The following AGMO variants were observed in gnomAD, a reference collection of about 807,000 sequenced individuals.
AGMO encodes the protein alkylglycerol monooxygenase.
A neutral mutation model predicts 60.2 loss-of-function variants in AGMO; 75 were observed. The ratio of observed to expected loss-of-function variants is 1.25; its 90% confidence interval spans 1.03 to 1.51. The LOEUF is 1.51. Among genes scored for constraint, AGMO ranks in the 40% most tolerant of loss-of-function variants. The probability of loss-of-function intolerance (pLI) is 0.00; values close to 1 mark genes in which losing one functional copy is unlikely to be tolerated. For missense variants in AGMO, 763 were observed against 525.5 expected (o/e 1.45, Z -4.42); for synonymous variants, 261 against 177.1 (o/e 1.47, Z -3.76).
intron 12 of AGMO, among the ~76,000 whole-genome samples, chr7:15,209,844 A>C (rs555516450): frequency 6.6e-6 from 1 of 152,304 alleles, no homozygotes; most frequent in Admixed American, 6.5e-5. Flanking sequence ...TCTGGCAACA[A>C]TTCCAACAAA....
chr7:15,357,137 A>G (rs2128557287), intron 12 of AGMO, among the ~76,000 whole-genome samples: 1 of 151,524 alleles, frequency 6.6e-6, no homozygotes, highest in East Asian at 1.9e-4. Flanking sequence ...AAAAATAGAC[A>G]TTTGGATAAT....
At chr7:15,292,983 G>C (rs894774246) in intron 12 of AGMO, among the ~76,000 whole-genome samples, 1 of 151,580 alleles carries the variant, frequency 6.6e-6, no homozygotes, top group East Asian at 1.9e-4. Flanking sequence ...AGCTGGTCTC[G>C]AACTCCTGAC....
intron 3 of AGMO, among the ~76,000 whole-genome samples, chr7:15,503,245 T>A (rs1783433448): frequency 6.6e-6 from 1 of 152,034 alleles, no homozygotes; most frequent in South Asian, 2.1e-4. Context: ...AAAGAGCTGG[T>A]GTCAAGCATA....
chr7:15,322,660 AAAT>A (rs1781192235), intron 12 of AGMO, among the ~76,000 whole-genome samples: 1 of 81,764 alleles, frequency 1.2e-5, no homozygotes, highest in Non-Finnish European at 2.1e-5. Context: ...ATATATATAT[AAAT>A]ATATATAAAT....
At chr7:15,188,267 G>T in the AGMO span, among the ~76,000 whole-genome samples, 1 of 152,226 alleles carries the variant, frequency 6.6e-6, no homozygotes, top group African/African-American at 2.4e-5. Flanking sequence ...TGAGTAAACT[G>T]CTTAAGTCTC....
chr7:15,540,864 G>T (rs1322142099), intron 3 of AGMO, among the ~76,000 whole-genome samples: 1 of 152,084 alleles, frequency 6.6e-6, no homozygotes, highest in Non-Finnish European at 1.5e-5. Context: ...TATAGAAAAT[G>T]TATAAATTTT....
At chr7:15,360,440 A>C (rs369601968) in intron 12 of AGMO, among the ~76,000 whole-genome samples, 2 of 152,222 alleles carry the variant, frequency 1.3e-5, no homozygotes, top group African/African-American at 2.4e-5. Context: ...GACGATTAAC[A>C]CATATTCTGT....
chr7:15,266,130 G>T (rs537923330), intron 12 of AGMO, among the ~76,000 whole-genome samples: 107 of 152,104 alleles, frequency 7.0e-4, no homozygotes, highest in African/African-American at 2.5e-3. Context: ...GGGATCAGGG[G>T]AGAAGGAATG....
At chr7:15,439,810 T>G (rs184950337) in intron 3 of AGMO, among the ~76,000 whole-genome samples, 1 of 152,288 alleles carries the variant, frequency 6.6e-6, no homozygotes, top group Admixed American at 6.5e-5. Flanking sequence ...TTGCGTGATA[T>G]AGTGTGAAAC....
rs80017091 is a variant in AGMO, at chr7:15,342,123, T to G, written c.1263+23391A>C. 5.8e-3 allele frequency among the ~76,000 whole-genome samples: 811 copies of G among 138,858 alleles called. 17 individuals are homozygous for G. Among genetic ancestry groups the G allele is most frequent in the East Asian group, 0.026 (124 of 4,714 alleles). 91.1% of individuals were successfully genotyped at this position (138,858 alleles called of 152,430 possible). On this transcript the variant is annotated intron_variant, in intron 12 of 12. Coordinates refer to ENST00000342526, the MANE Select transcript of AGMO (RefSeq NM_001004320.2). Reference sequence around the variant, plus strand: ...CATTTAGAAAGCATTTAAACTCATGTGACTGGGTGAATTGCCTCCAGTAAG... The same window carrying G: ...CATTTAGAAAGCATTTAAACTCATGGGACTGGGTGAATTGCCTCCAGTAAG...
At chr7:15,352,502 T>C (rs933054031) in intron 12 of AGMO, among the ~76,000 whole-genome samples, 1 of 151,844 alleles carries the variant, frequency 6.6e-6, no homozygotes, top group African/African-American at 2.4e-5. Context: ...TGAGCAGCTT[T>C]TCAGAGGGAA....
chr7:15,256,921 A>C (rs113615219), intron 12 of AGMO, among the ~76,000 whole-genome samples: 2 of 152,200 alleles, frequency 1.3e-5, no homozygotes, highest in African/African-American at 4.8e-5. Flanking sequence ...CTACAGAGAT[A>C]CCAGAGAAAA....
intron 12 of AGMO, among the ~76,000 whole-genome samples, chr7:15,354,393 T>TAG (rs1782396765): frequency 9.7e-5 from 4 of 41,112 alleles, no homozygotes; most frequent in African/African-American, 6.5e-4. Flanking sequence ...CGTGTGTGTA[T>TAG]ACACGTGTGT....
chr7:15,548,661 C>G (rs1784859640), intron 2 of AGMO, among the ~76,000 whole-genome samples: 1 of 151,968 alleles, frequency 6.6e-6, no homozygotes, highest in Non-Finnish European at 1.5e-5. Flanking sequence ...AAATATGGGA[C>G]TATGTGAAAA....
rs762137563 is a variant in AGMO, at chr7:15,418,623, G to A, written c.544C>T (p.Pro182Ser). The change falls in exon 5 of 13, where the codon CCC becomes TCC. Residue 182 changes from proline to serine, a missense_variant. Coordinates refer to ENST00000342526, the MANE Select transcript of AGMO (RefSeq NM_001004320.2). ...AGATGAACAGCATATACTGAAGGGG[G>A]TATGAAGAGGGCCAGGGGAGAGTAG... ...IFYSPLALFIPPSVYAVHLQF... is the reference protein window; with the variant it reads ...IFYSPLALFISPSVYAVHLQF... The A allele has an allele frequency of 4.4e-6, 7 of 1,575,760 alleles. No homozygotes were observed. The South Asian group carries it at 8.3e-5, about 19-fold the overall frequency.
chr7:15,334,307 G>A (rs1781585043), intron 12 of AGMO, among the ~76,000 whole-genome samples: 1 of 122,558 alleles, frequency 8.2e-6, no homozygotes, highest in Non-Finnish European at 1.7e-5. Context: ...TATAACCTTG[G>A]TGAGTTTTTT....
intron 3 of AGMO, among the ~76,000 whole-genome samples, chr7:15,455,530 C>T (rs1781978603): frequency 6.6e-6 from 1 of 152,130 alleles, no homozygotes; most frequent in South Asian, 2.1e-4. Context: ...TTCCTTTTTA[C>T]AAGATGCCGC....
At chr7:15,495,272 C>G (rs1049290724) in intron 3 of AGMO, among the ~76,000 whole-genome samples, 1 of 152,188 alleles carries the variant, frequency 6.6e-6, no homozygotes, top group African/African-American at 2.4e-5. Flanking sequence ...TTCCCCTTCT[C>G]TTCTCAAACT....
chr7:15,464,744 G>T (rs1782234299), intron 3 of AGMO, among the ~76,000 whole-genome samples: 1 of 152,184 alleles, frequency 6.6e-6, no homozygotes. Flanking sequence ...TTGTAGTTGT[G>T]AGCACAGGCT....
Sources: gnomAD v4.1 joint callset for allele counts (sites outside exome capture counted in the v4.1 genomes callset) on GRCh38, gnomAD v4.1.1 for gene constraint, MANE v1.5 for transcripts, NCBI Gene and HGNC (gene_info 2026-07-23, HGNC 2026-07-21) for gene names.